Variants in NFAM1 observed in about 807,000 individuals in gnomAD.
NFAM1 encodes the protein NFAT activating protein with ITAM motif 1.
In NFAM1, 17 loss-of-function variants were observed where a neutral mutation model predicts 29.0. The observed-to-expected ratio is 0.59, with a 90% CI of 0.40 to 0.88. NFAM1 has a LOEUF of 0.88. Among genes scored for constraint, NFAM1 ranks in the 40% least tolerant of loss-of-function variants. NFAM1 has a pLI of 0.00. For synonymous variants in NFAM1, 175 were observed against 147.2 expected (o/e 1.19, Z -1.36); for missense variants, 324 against 344.6 (o/e 0.94, Z 0.47).
intron 5 of NFAM1, among the ~76,000 whole-genome samples, chr22:42,386,038 A>G (rs535977846): frequency 6.6e-6 from 1 of 152,278 alleles, no homozygotes; most frequent in African/African-American, 2.4e-5. Flanking sequence ...TATTGCAGGA[A>G]AACACTGCTC....
At chr22:42,420,405 G>A (rs949541666) in intron 1 of NFAM1, among the ~76,000 whole-genome samples, 3 of 152,068 alleles carry the variant, frequency 2.0e-5, no homozygotes, top group Non-Finnish European at 2.9e-5. Flanking sequence ...CTGGGAGTTC[G>A]AAGCTGCAAT....
chr22:42,410,446 G>A, intron 2 of NFAM1: 1 of 382,860 alleles, frequency 2.6e-6, no homozygotes, highest in Non-Finnish European at 5.3e-6. Context: ...GATCACTTGA[G>A]GTCAGGATTC....
chr22:42,387,000 G>T lies in NFAM1; in HGVS notation c.742C>A (p.Pro248Thr), dbSNP rs141829113. 53 of 1,561,728 alleles carry T rather than the reference G, an allele frequency of 3.4e-5. No homozygotes were observed. Among genetic ancestry groups the T allele is most frequent in the Non-Finnish European group, 2.0e-5 (23 of 1,151,244 alleles). ...DGSSPTAKQS[P>T]LSQERPHRFE... ...CAGCGCCTGTGTACCTGGGAGAGGG[G>T]GCTCTGCTTGGCGGTGGGTGAGCTG... The change falls in exon 5 of 6, where the codon CCC (proline) becomes ACC (threonine). Residue 248 changes from proline to threonine, a missense_variant. Physicochemically the swap from Pro to Thr is conservative, Grantham distance 38. Transcript: ENST00000329021.
intron 1 of NFAM1, among the ~76,000 whole-genome samples, chr22:42,415,863 G>A (rs1930245044): frequency 6.6e-6 from 1 of 152,230 alleles, no homozygotes; most frequent in African/African-American, 2.4e-5. Context: ...AGGGGTACCA[G>A]TTAGGTCACA....
intron 3 of NFAM1, among the ~76,000 whole-genome samples, chr22:42,405,037 A>G (rs1211855840): frequency 1.3e-5 from 2 of 152,004 alleles, no homozygotes; most frequent in African/African-American, 4.8e-5. Flanking sequence ...CTTTGCAGAC[A>G]TTCCTGGAAG....
intron 1 of NFAM1, among the ~76,000 whole-genome samples, chr22:42,430,236 C>T (rs906648491): frequency 1.3e-5 from 2 of 150,504 alleles, no homozygotes; most frequent in African/African-American, 4.9e-5. Context: ...GCACTCCAGC[C>T]TGGTGGACGG....
chr22:42,424,903 TTCTTTTCG>T (rs1930573683), intron 1 of NFAM1, among the ~76,000 whole-genome samples: 1 of 140,740 alleles, frequency 7.1e-6, no homozygotes, highest in Non-Finnish European at 1.5e-5. Context: ...CTTTCTTTCT[TTCTTTTCG>T]TATTTATTTA....
chr22:42,416,814 G>T (rs76257850), intron 1 of NFAM1, among the ~76,000 whole-genome samples: 1,656 of 152,344 alleles, frequency 0.011, 17 homozygotes, highest in South Asian at 0.02. Flanking sequence ...GGCAAAGGCA[G>T]TATGTCCCCA....
At chr22:42,406,086 G>A (rs1353564966) in intron 3 of NFAM1, among the ~76,000 whole-genome samples, 10 of 152,232 alleles carry the variant, frequency 6.6e-5, no homozygotes, top group South Asian at 2.1e-4. Flanking sequence ...GCTCAGGCAC[G>A]CTCTGACCTT....
At chr22:42,404,048 C>T (rs1929812381) in intron 3 of NFAM1, among the ~76,000 whole-genome samples, 2 of 152,254 alleles carry the variant, frequency 1.3e-5, no homozygotes, top group East Asian at 1.9e-4. Context: ...CTGGGCTCTA[C>T]CCCCATCCCT....
chr22:42,410,216 G>A (rs971238227), intron 2 of NFAM1: 10 of 188,988 alleles, frequency 5.3e-5, no homozygotes, highest in East Asian at 1.8e-4. Context: ...AGATCACATC[G>A]GGCAAGCAGC....
chr22:42,411,376 T>G, intron 2 of NFAM1, 31 bp downstream of exon 2: 1 of 1,554,724 alleles, frequency 6.4e-7, no homozygotes, highest in Non-Finnish European at 8.8e-7. Context: ...CTGTGTCCTT[T>G]GCCCTGGAAG....
In NFAM1 at chr22:42,388,697, A is replaced by T. The variant is rs1224177541; in HGVS notation, c.664-1619T>A. On this transcript the variant is annotated intron_variant, in intron 4 of 5. Coordinates refer to ENST00000329021, the MANE Select transcript of NFAM1 (RefSeq NM_145912.8). This position sits in a 1 kb window ranked among gnomAD's most constrained non-coding sequence, Gnocchi z 4.1. ...GCGCCAAGAGGCAGCTGGGCATGAA[A>T]ATCCAAGTAATAAACCATTTGGCAC... 6.6e-6 allele frequency among the ~76,000 whole-genome samples: 1 copy of T among 152,146 alleles called. No homozygotes were observed. The highest frequency in any genetic ancestry group is 1.5e-5 in the Non-Finnish European group (1 of 68,026).
In NFAM1 at chr22:42,412,124, C is replaced by T. The variant is rs552581539; in HGVS notation, c.122-388G>A. Among the ~76,000 whole-genome samples the T allele has an allele frequency of 3.4e-3, 523 of 152,030 alleles. 3 individuals carry two copies. Among genetic ancestry groups the T allele is most frequent in the Non-Finnish European group, 4.4e-3 (301 of 67,974 alleles). On this transcript the variant is annotated intron_variant, in intron 1 of 5. Transcript: ENST00000329021. ...GTGTATGCCTGTAATCCCAGCTACT[C>T]GGGAGACTGACGCAGGAGAATCGCT...
intron 1 of NFAM1, among the ~76,000 whole-genome samples, chr22:42,416,743 C>T (rs946041799): frequency 9.2e-5 from 14 of 152,186 alleles, no homozygotes; most frequent in African/African-American, 2.9e-4. Context: ...TGAGGGCACT[C>T]GGCCGCTATC....
At position 42,427,715 on chromosome 22, in the gene NFAM1, T is replaced by G. The variant is rs532879950; in HGVS notation, c.121+4522A>C. 9.2e-5 allele frequency among the ~76,000 whole-genome samples: 14 copies of G among 152,142 alleles called. No homozygotes were observed. In the South Asian group the frequency reaches 1.9e-3, roughly 20 times the overall value. On this transcript the variant is annotated intron_variant, in intron 1 of 5. Transcript: ENST00000329021. ...GGATCTATCTTAAAAAACATAATGC[T>G]CAGTGAAAGAAGCGGGTCACCGGAG...
At chr22:42,406,825 A>C (rs181689481) in intron 3 of NFAM1, among the ~76,000 whole-genome samples, 3 of 152,040 alleles carry the variant, frequency 2.0e-5, no homozygotes, top group Non-Finnish European at 4.4e-5. Context: ...CCCAGGCTGG[A>C]GTGCAGTGGT....
chr22:42,436,845 G>A (rs1930952145), upstream of NFAM1: 1 of 262,010 alleles, frequency 3.8e-6, no homozygotes, highest in Non-Finnish European at 5.9e-6. Context: ...CAGCTCCCGG[G>A]ACCTGGCTTT....
At chr22:42,432,094 C>G (rs1930821592) in intron 1 of NFAM1, 143 bp downstream of exon 1, 1 of 752,902 alleles carries the variant, frequency 1.3e-6, no homozygotes, top group Admixed American at 2.4e-5. Context: ...AGAAGGCTTC[C>G]CCTGTGAAGT....
Sources: allele counts gnomAD v4.1 joint callset (sites outside exome capture counted in the v4.1 genomes callset), GRCh38; gene constraint gnomAD v4.1.1; non-coding constraint Gnocchi (gnomAD v3.1); transcripts MANE v1.5; gene names NCBI Gene and HGNC (gene_info 2026-07-23, HGNC 2026-07-21).